ABHD12: variants seen among roughly 807,000 people sequenced by gnomAD.
The protein encoded by ABHD12 is lysophosphatidylserine lipase ABHD12.
A neutral mutation model predicts 58.3 loss-of-function variants in ABHD12; 43 were observed. The observed-to-expected ratio is 0.74, with a 90% CI of 0.58 to 0.95. The LOEUF is 0.95. Among genes scored for constraint, ABHD12 ranks in the 40% least tolerant of loss-of-function variants. The pLI is 0.00. For synonymous variants in ABHD12, 219 were observed against 211.2 expected (o/e 1.04, Z -0.32); for missense variants, 539 against 537.2 (o/e 1.00, Z -0.03).
At chr20:25,364,558 G>C (rs530420113) in intron 1 of ABHD12, among the ~76,000 whole-genome samples, 1 of 152,080 alleles carries the variant, frequency 6.6e-6, no homozygotes, top group Non-Finnish European at 1.5e-5. Context: ...CTTCCCCCTG[G>C]GTGACCCAGA....
intron 1 of ABHD12, among the ~76,000 whole-genome samples, chr20:25,354,817 A>G (rs1333844491): frequency 6.6e-6 from 1 of 152,182 alleles, no homozygotes; most frequent in Admixed American, 6.5e-5. Context: ...TGACTGTCGT[A>G]TTTTCTTAGA....
chr20:25,373,006 T>C (rs893341435), intron 1 of ABHD12, among the ~76,000 whole-genome samples: 5 of 152,190 alleles, frequency 3.3e-5, no homozygotes, highest in African/African-American at 9.7e-5. Flanking sequence ...ATACTTAACA[T>C]TGTGTCACAA....
chr20:25,370,219 TG>T (rs999417263), intron 1 of ABHD12, among the ~76,000 whole-genome samples: 1 of 152,174 alleles, frequency 6.6e-6, no homozygotes, highest in Non-Finnish European at 1.5e-5. Flanking sequence ...CAGTGATTAC[TG>T]GGGTACACAG....
rs369423408 is a variant in ABHD12 at position 25,382,818 on chromosome 20, A to T, written c.191+7695T>A. Among the ~76,000 whole-genome samples the T allele has an allele frequency of 1.5e-4, 23 of 152,306 alleles. 1 individual carries two copies. In the East Asian group the frequency reaches 3.1e-3, roughly 20 times the overall value. On this transcript the variant is annotated intron_variant, in intron 1 of 12. Coordinates refer to ENST00000339157, the MANE Select transcript of ABHD12 (RefSeq NM_001042472.3). The stretch of plus-strand genomic sequence containing the variant: ...GGAACCAAGCAGAGATACAGGATGC[A>T]GAGTCCTAATAAAGCAGAAGGCAGT...
chr20:25,316,978 G>GT (rs1359675990), intron 5 of ABHD12, 70 bp downstream of exon 5: 1 of 1,363,008 alleles, frequency 7.3e-7, no homozygotes, highest in African/African-American at 1.4e-5. Flanking sequence ...TGTGAGTCTG[G>GT]TGACTCCCTT....
At chr20:25,296,165 C>T (rs897732354), downstream of ABHD12, among the ~76,000 whole-genome samples, 5 of 152,148 alleles carry the variant, frequency 3.3e-5, no homozygotes, top group African/African-American at 1.2e-4. Flanking sequence ...CAGCTCCTTG[C>T]TCCCTAGATC....
At chr20:25,389,746 G>A (rs1478873966) in intron 1 of ABHD12, among the ~76,000 whole-genome samples, 1 of 152,198 alleles carries the variant, frequency 6.6e-6, no homozygotes, top group Non-Finnish European at 1.5e-5. Context: ...TCCCAAGGAG[G>A]CGAACTTGTG....
intron 1 of ABHD12, among the ~76,000 whole-genome samples, chr20:25,355,687 T>C (rs1222871281): frequency 6.6e-6 from 1 of 151,906 alleles, no homozygotes; most frequent in Non-Finnish European, 1.5e-5. Flanking sequence ...GCCTCCCGAG[T>C]AGCTGGGATT....
chr20:25,367,219 G>T (rs781485488), intron 1 of ABHD12, among the ~76,000 whole-genome samples: 7 of 152,140 alleles, frequency 4.6e-5, no homozygotes, highest in Non-Finnish European at 8.8e-5. Flanking sequence ...AGGGGATAGT[G>T]TGTCCATACA....
intron 1 of ABHD12, among the ~76,000 whole-genome samples, chr20:25,366,509 G>A (rs970075523): frequency 7.2e-5 from 11 of 152,070 alleles, no homozygotes; most frequent in Admixed American, 2.0e-4. Context: ...CAGTTGATCC[G>A]CCTGCCTCAG....
Position 25,368,409 on chromosome 20 carries a change from A to G in ABHD12, c.191+22104T>C. 3.1e-6 allele frequency: 5 copies of G among 1,596,454 alleles called. No homozygotes were observed. The South Asian group carries it at 4.4e-5, about 14-fold the overall frequency. On this transcript the variant is annotated intron_variant, in intron 1 of 12. Transcript: ENST00000339157. ...CAGACCACATGCTTGCCATCCAACC[A>G]CTCAGTCTTGGCAGTGCAGATGAAA... is the stretch of plus-strand genomic sequence containing the variant.
chr20:25,308,324 T>C, intron 8 of ABHD12, 133 bp downstream of exon 8: 1 of 1,152,850 alleles, frequency 8.7e-7, no homozygotes, highest in South Asian at 1.3e-5. Context: ...GAAGGGTGGC[T>C]GGTCAGCCCC....
At chr20:25,362,600 G>C (rs2089765399) in intron 1 of ABHD12, among the ~76,000 whole-genome samples, 1 of 148,358 alleles carries the variant, frequency 6.7e-6, no homozygotes. Flanking sequence ...GGACAGGGGA[G>C]GGGAGGGGAG....
intron 1 of ABHD12, among the ~76,000 whole-genome samples, chr20:25,350,959 TCACACACA>T (rs61061019): frequency 0.038 from 5,340 of 142,206 alleles, 102 homozygotes; most frequent in Middle Eastern, 0.063. Context: ...TACGAATCCT[TCACACACA>T]CACACACACA....
At chr20:25,361,815 C>T (rs774637209) in intron 1 of ABHD12, among the ~76,000 whole-genome samples, 84 of 151,902 alleles carry the variant, frequency 5.5e-4, no homozygotes, top group African/African-American at 1.8e-3. Flanking sequence ...AATAGCTGGG[C>T]GTGGTGGCGG....
At chr20:25,366,042 C>T (rs4815408) in intron 1 of ABHD12, among the ~76,000 whole-genome samples, 86,343 of 151,894 alleles carry the variant, frequency 0.57, 25,264 homozygotes, top group African/African-American at 0.62. Flanking sequence ...CCTTAAAAAT[C>T]AAATAAATAT....
At chr20:25,377,042 A>G (rs1007146572) in intron 1 of ABHD12, among the ~76,000 whole-genome samples, 1 of 152,200 alleles carries the variant, frequency 6.6e-6, no homozygotes, top group African/African-American at 2.4e-5. Context: ...TCATACCTGG[A>G]GATGCTTCCC....
chr20:25,321,277 C>A (rs1022804741), intron 3 of ABHD12, among the ~76,000 whole-genome samples: 1 of 152,230 alleles, frequency 6.6e-6, no homozygotes, highest in Non-Finnish European at 1.5e-5. Context: ...GGGCTCCTGA[C>A]AAAGAGCCAG....
chr20:25,303,372 A>C, intron 11 of ABHD12, 178 bp downstream of exon 11: 1 of 1,504,352 alleles, frequency 6.6e-7, no homozygotes, highest in Non-Finnish European at 8.9e-7. Context: ...CTTCCGAAGC[A>C]GCCTGGAGGT....
Sources: gnomAD v4.1 joint callset for allele counts (sites outside exome capture counted in the v4.1 genomes callset) on GRCh38, gnomAD v4.1.1 for gene constraint, MANE v1.5 for transcripts, NCBI Gene and HGNC (gene_info 2026-07-23, HGNC 2026-07-21) for gene names.